RGL1: variants seen among roughly 807,000 people sequenced by gnomAD.
The protein encoded by RGL1 is ral guanine nucleotide dissociation stimulator like 1.
Under a neutral mutation model 95.2 loss-of-function variants are expected in RGL1, and 24 were observed. That is an observed-to-expected ratio of 0.25 (90% CI 0.18 to 0.35). The LOEUF (loss-of-function observed/expected upper bound fraction) is 0.35, where lower values mean the gene tolerates loss of function less well. Ranked by LOEUF, RGL1 falls within the 10% of genes least tolerant of loss-of-function variation. The pLI is 1.00. For missense variants in RGL1, 715 were observed against 936.3 expected (o/e 0.76, Z 3.08); for synonymous variants, 329 against 344.9 (o/e 0.95, Z 0.51).
chr1:183,639,700 CA>C (rs11335181), intron 1 of RGL1, among the ~76,000 whole-genome samples: 64,582 of 140,824 alleles, frequency 0.46, 14,205 homozygotes, highest in African/African-American at 0.51. Context: ...ACCTGTAAGC[CA>C]AAAAAAAAAA....
At chr1:183,699,294 A>C (rs566659497) in intron 1 of RGL1, among the ~76,000 whole-genome samples, 3 of 152,218 alleles carry the variant, frequency 2.0e-5, no homozygotes, top group Non-Finnish European at 4.4e-5. Flanking sequence ...CTGAGTAAGC[A>C]TCCTTGAAAC....
chr1:183,876,535 A>G (rs1444383051), intron 4 of RGL1, among the ~76,000 whole-genome samples: 1 of 152,270 alleles, frequency 6.6e-6, no homozygotes, highest in East Asian at 1.9e-4. Context: ...AGGAAGTCAC[A>G]TACTGGCTTT....
At chr1:183,643,262 T>TTTGTTTATTTATTTA (rs1553265192) in intron 1 of RGL1, among the ~76,000 whole-genome samples, 1 of 136,434 alleles carries the variant, frequency 7.3e-6, no homozygotes, top group South Asian at 2.3e-4. Context: ...GGTCCTGTTT[T>TTTGTTTATTTATTTA]TTTATTTATT....
intron 1 of RGL1, among the ~76,000 whole-genome samples, chr1:183,668,865 A>G (rs1652226835): frequency 6.6e-6 from 1 of 151,044 alleles, no homozygotes; most frequent in African/African-American, 2.4e-5. Flanking sequence ...GTTGTCCCCC[A>G]GCTTTTGGAT....
intron 1 of RGL1, among the ~76,000 whole-genome samples, chr1:183,674,382 G>T (rs980801521): frequency 1.3e-5 from 2 of 151,828 alleles, no homozygotes; most frequent in Non-Finnish European, 2.9e-5. Flanking sequence ...ATACACTTTT[G>T]TTTTTTTTAA....
At position 183,641,424 on chromosome 1, in the gene RGL1, T is replaced by C. The variant is rs371837929; in HGVS notation, c.-33+4923T>C. On this transcript the variant is annotated intron_variant, in intron 1 of 18. Transcript: ENST00000304685. ...TGCTAGGATTATAGGTGTGAGGCACTGTGTGCTGCCTTTACAAACTTTGTT... is the reference window on the plus strand; with the variant it reads ...TGCTAGGATTATAGGTGTGAGGCACCGTGTGCTGCCTTTACAAACTTTGTT... Among the ~76,000 whole-genome samples the C allele has an allele frequency of 2.6e-5, 4 of 152,198 alleles. No homozygotes were observed. In the East Asian group the frequency reaches 5.8e-4, roughly 22 times the overall value.
intron 3 of RGL1, among the ~76,000 whole-genome samples, chr1:183,851,193 T>C (rs543077796): frequency 9.2e-5 from 14 of 152,260 alleles, no homozygotes; most frequent in African/African-American, 3.4e-4. Flanking sequence ...TTTTTTACCA[T>C]TTGGATGGGC....
intron 6 of RGL1, among the ~76,000 whole-genome samples, chr1:183,884,387 ATATT>A (rs942455760): frequency 6.6e-6 from 1 of 152,170 alleles, no homozygotes; most frequent in Non-Finnish European, 1.5e-5. Context: ...TGAGCTGGAC[ATATT>A]TGAGTATGTC....
intron 1 of RGL1, among the ~76,000 whole-genome samples, chr1:183,723,462 C>T (rs1656129932): frequency 6.6e-6 from 1 of 152,188 alleles, no homozygotes; most frequent in African/African-American, 2.4e-5. Flanking sequence ...CTCTGGTTCC[C>T]TGGCAGTGGC....
intron 2 of RGL1, among the ~76,000 whole-genome samples, chr1:183,811,530 T>A (rs1473499262): frequency 6.6e-6 from 1 of 152,248 alleles, no homozygotes; most frequent in Non-Finnish European, 1.5e-5. Flanking sequence ...ATTTAGCAGC[T>A]ATGTGTAAAT....
chr1:183,914,296 T>G (rs904023420), intron 15 of RGL1, among the ~76,000 whole-genome samples: 3 of 152,202 alleles, frequency 2.0e-5, no homozygotes, highest in Non-Finnish European at 2.9e-5. Flanking sequence ...TGCTTCATCT[T>G]TTTTGTCTCA....
At chr1:183,895,976 T>C (rs1043058703) in intron 9 of RGL1, among the ~76,000 whole-genome samples, 1 of 152,216 alleles carries the variant, frequency 6.6e-6, no homozygotes, top group African/African-American at 2.4e-5. Flanking sequence ...CTGTGATTCT[T>C]AGGAGCCTTT....
chr1:183,753,681 C>A (rs1658164470), intron 2 of RGL1, among the ~76,000 whole-genome samples: 1 of 152,206 alleles, frequency 6.6e-6, no homozygotes, highest in Non-Finnish European at 1.5e-5. Flanking sequence ...TAGCTCATCT[C>A]TCAAGTTTTC....
intron 2 of RGL1, among the ~76,000 whole-genome samples, chr1:183,793,757 T>G (rs1357562449): frequency 4.0e-5 from 6 of 151,586 alleles, no homozygotes; most frequent in Non-Finnish European, 5.9e-5. Context: ...TAAATGCTGG[T>G]GAGGATGCAG....
In RGL1 at chr1:183,805,333, A is replaced by G. The variant is rs755686223; in HGVS notation, c.27+9A>G. 6.2e-7 allele frequency: 1 copy of G among 1,609,940 alleles called. No homozygotes were observed. Among genetic ancestry groups the G allele is most frequent in the Non-Finnish European group, 8.5e-7 (1 of 1,178,050 alleles). ...TTTGGCAAGCTAAAATGGTAACGAG[A>G]GCTCTCTGCCTTCTCCCGAGGCTTC... On this transcript the variant is annotated intron_variant, in intron 1 of 17. Coordinates refer to ENST00000360851, the MANE Select transcript of RGL1 (RefSeq NM_001297671.3).
rs1277551033 is a variant in RGL1 at position 183,667,334 on chromosome 1, AT to A, written c.-33+30840del. On this transcript the variant is annotated intron_variant, in intron 1 of 18. Coordinates refer to the RGL1 transcript ENST00000304685. Reference sequence around the variant, plus strand: ...TCATTGATTTATTTTTTATTTATTTATTTTTTTGAGACGGAGTTTTGCTCTT... The same window carrying A: ...TCATTGATTTATTTTTTATTTATTTATTTTTTGAGACGGAGTTTTGCTCTT... 5.3e-5 allele frequency among the ~76,000 whole-genome samples: 8 copies of A among 151,770 alleles called. No individual in the cohort carries two copies. The East Asian group carries it at 1.5e-3, about 29-fold the overall frequency.
chr1:183,924,565 T>C (rs1321969136), intron 17 of RGL1, among the ~76,000 whole-genome samples: 1 of 152,052 alleles, frequency 6.6e-6, no homozygotes, highest in East Asian at 1.9e-4. Flanking sequence ...GTGGCACATA[T>C]ATACCTGTGT....
chr1:183,787,395 T>G (rs1441282395), intron 2 of RGL1, among the ~76,000 whole-genome samples: 2 of 152,190 alleles, frequency 1.3e-5, no homozygotes, highest in Non-Finnish European at 2.9e-5. Context: ...AGTTGTCTTT[T>G]TTCCTCTCTC....
chr1:183,856,052 A>T (rs944990858), intron 3 of RGL1, among the ~76,000 whole-genome samples: 2 of 152,140 alleles, frequency 1.3e-5, no homozygotes, highest in Non-Finnish European at 2.9e-5. Flanking sequence ...TGCACATCCC[A>T]TTTATTTAGT....
Sources: allele counts gnomAD v4.1 joint callset (sites outside exome capture counted in the v4.1 genomes callset), GRCh38; gene constraint gnomAD v4.1.1; transcripts MANE v1.5; gene names NCBI Gene and HGNC (gene_info 2026-07-23, HGNC 2026-07-21).